Variants in USP50 observed in about 807,000 individuals in gnomAD.
USP50 encodes ubiquitin carboxyl-terminal hydrolase 50.
A neutral mutation model predicts 39.2 loss-of-function variants in USP50; 37 were observed. That is an observed-to-expected ratio of 0.94 (90% CI 0.73 to 1.24). The LOEUF (loss-of-function observed/expected upper bound fraction) is 1.24. USP50 is among the 50% of genes most tolerant of loss of function. USP50 has a pLI of 0.00. For missense variants in USP50, 374 were observed against 398.2 expected, an observed-to-expected ratio of 0.94 and a Z score of 0.52; for synonymous variants, 139 against 144.5, an observed-to-expected ratio of 0.96 and a Z score of 0.27.
chr15:50,512,174 C>A (rs12913711), intron 6 of USP50: 12,054 of 150,180 alleles, frequency 0.08, 544 homozygotes, highest in South Asian at 0.12. Flanking sequence ...TGGTGAAACC[C>A]CACCTCTACT....
In USP50 at chr15:50,500,756, T is replaced by C. The variant is rs1566898371; in HGVS notation, c.*13A>G. The stretch of plus-strand genomic sequence containing the variant: ...TCTGGAATCTCACTGACTCGTGTGT[T>C]ATCAAAGCTATATCAGGCCTGGGTG... On this transcript the variant is annotated 3_prime_UTR_variant, in exon 7 of 7. Coordinates refer to ENST00000532404, the MANE Select transcript of USP50 (RefSeq NM_203494.5). The C allele has an allele frequency of 1.9e-6, 3 of 1,580,080 alleles. No individual in the cohort carries two copies. Among genetic ancestry groups the C allele is most frequent in the Non-Finnish European group, 2.6e-6 (3 of 1,161,938 alleles).
At chr15:50,505,388 G>A (rs2052644881) in intron 6 of USP50, 1 of 152,088 alleles carries the variant, frequency 6.6e-6, no homozygotes, top group Non-Finnish European at 1.5e-5. Context: ...AAATAATAGA[G>A]AAAAATAACT....
intron 6 of USP50, among the ~76,000 whole-genome samples, chr15:50,523,175 C>CTTTTTTTCT (rs2052863964): frequency 9.6e-6 from 1 of 104,208 alleles, no homozygotes; most frequent in African/African-American, 3.7e-5. Context: ...AAATCAGTAG[C>CTTTTTTTCT]TTTTTTTTTT....
At chr15:50,497,011 G>C, downstream of USP50, 1 of 1,516,686 alleles carries the variant, frequency 6.6e-7, no homozygotes. Flanking sequence ...CCTGCAGAGT[G>C]ACTAACTAAA....
intron 6 of USP50, among the ~76,000 whole-genome samples, chr15:50,526,278 T>TC (rs2052898094): frequency 6.6e-6 from 1 of 152,146 alleles, no homozygotes; most frequent in African/African-American, 2.4e-5. Context: ...CAGGCTGGTC[T>TC]CCAACTCTTG....
intron 6 of USP50, among the ~76,000 whole-genome samples, chr15:50,516,770 T>C (rs1412540517): frequency 2.5e-5 from 3 of 119,376 alleles, no homozygotes; most frequent in Non-Finnish European, 5.4e-5. Context: ...TATATATATA[T>C]ATACAGAGTG....
chr15:50,498,298 C>G (rs2052492031), downstream of USP50: 1 of 235,182 alleles, frequency 4.3e-6, no homozygotes, highest in African/African-American at 2.2e-5. Flanking sequence ...ACATGTGGGT[C>G]TTACCTTCCT....
At chr15:50,523,495 C>T (rs2052867099) in intron 6 of USP50, among the ~76,000 whole-genome samples, 1 of 152,008 alleles carries the variant, frequency 6.6e-6, no homozygotes, top group Admixed American at 6.6e-5. Flanking sequence ...CTATACATTA[C>T]TGACAAACTA....
Position 50,538,055 on chromosome 15 carries a change from T to C in USP50, c.803+654A>G, listed in dbSNP as rs570178512. On this transcript the variant is annotated intron_variant, in intron 5 of 6. Coordinates refer to ENST00000532404, the MANE Select transcript of USP50 (RefSeq NM_203494.5). ...ACTTTGGGAGACCGAGGTGGGTGGA[T>C]CATGAGGTCAAGAGATCAGACCATC... Among the ~76,000 whole-genome samples, 6 of 150,774 alleles carry C rather than the reference T, an allele frequency of 4.0e-5. No individual in the cohort carries two copies. In the South Asian group the frequency reaches 1.3e-3, roughly 32 times the overall value.
intron 4 of USP50, among the ~76,000 whole-genome samples, chr15:50,540,424 AC>A (rs1052994808): frequency 6.6e-6 from 1 of 152,162 alleles, no homozygotes; most frequent in African/African-American, 2.4e-5. Flanking sequence ...AGGGTCATAA[AC>A]TTTTTGCAAG....
At chr15:50,529,678 C>T (rs2052924710) in intron 6 of USP50, 119 bp downstream of exon 6, 1 of 1,119,300 alleles carries the variant, frequency 8.9e-7, no homozygotes, top group South Asian at 1.7e-5. Context: ...GTTTCCTGGT[C>T]TATATTTTTT....
At chr15:50,540,975 T>A in intron 4 of USP50, 74 bp downstream of exon 4, 1 of 1,157,424 alleles carries the variant, frequency 8.6e-7, no homozygotes, top group East Asian at 2.4e-5. Context: ...TAAACAAATG[T>A]AGGAAACAGC....
downstream of USP50, chr15:50,499,115 CTT>C (rs2052523991): frequency 6.5e-7 from 1 of 1,550,140 alleles, no homozygotes; most frequent in African/African-American, 1.4e-5. Context: ...AACTAGTTAT[CTT>C]TTAAAAGGCT....
At chr15:50,546,361 G>A (rs751964602) in intron 1 of USP50, 112 bp downstream of exon 1, 1 of 1,122,186 alleles carries the variant, frequency 8.9e-7, no homozygotes, top group East Asian at 2.4e-5. Flanking sequence ...GACCTTCCAT[G>A]GGTCACACCT....
At position 50,535,376 on chromosome 15, in the gene USP50, A is replaced by G. The variant is rs557324223; in HGVS notation, c.803+3333T>C. Among the ~76,000 whole-genome samples the G allele has an allele frequency of 3.9e-5, 6 of 152,356 alleles. No individual in the cohort carries two copies. In the South Asian group the frequency reaches 1.2e-3, roughly 32 times the overall value. The stretch of plus-strand genomic sequence containing the variant: ...GAATATATATTATTCTCAAGCTCAC[A>G]TGGAACATTCACCAAGCCTCTAGCT... On this transcript the variant is annotated intron_variant, in intron 5 of 6. Transcript: ENST00000532404.
At chr15:50,496,287 C>G (rs953801497), downstream of USP50, among the ~76,000 whole-genome samples, 1 of 152,012 alleles carries the variant, frequency 6.6e-6, no homozygotes, top group African/African-American at 2.4e-5. Flanking sequence ...CGAGACCATC[C>G]TGGATAACAC....
downstream of USP50, chr15:50,495,706 C>A: frequency 1.6e-6 from 1 of 607,244 alleles, no homozygotes; most frequent in Non-Finnish European, 2.8e-6. Context: ...TTATTTTTTG[C>A]CACACTCAGT....
At chr15:50,518,472 A>T (rs942487822) in intron 6 of USP50, among the ~76,000 whole-genome samples, 1 of 151,950 alleles carries the variant, frequency 6.6e-6, no homozygotes, top group African/African-American at 2.4e-5. Context: ...CGGCCTCCCA[A>T]AGTGCTGGGA....
intron 1 of USP50, among the ~76,000 whole-genome samples, chr15:50,494,929 C>T (rs902782434): frequency 9.9e-5 from 15 of 151,596 alleles, no homozygotes; most frequent in Admixed American, 1.3e-4. Context: ...GCAGGAGAAT[C>T]GCTTGAACCT....
Sources: allele counts gnomAD v4.1 joint callset (sites outside exome capture counted in the v4.1 genomes callset), GRCh38; gene constraint gnomAD v4.1.1; transcripts MANE v1.5; gene names NCBI Gene and HGNC (gene_info 2026-07-23, HGNC 2026-07-21).